MAF: variants seen among roughly 807,000 people sequenced by gnomAD.
MAF encodes the protein MAF bZIP transcription factor.
In MAF, 10 loss-of-function variants were observed where a neutral mutation model predicts 22.0. That is an observed-to-expected ratio of 0.45 (90% CI 0.28 to 0.77). MAF has a LOEUF of 0.77. MAF is among the 30% of genes least tolerant of loss of function. MAF has a pLI of 0.12. For synonymous variants in MAF, 337 were observed against 255.8 expected (o/e 1.32, Z -3.03); for missense variants, 544 against 548.4 (o/e 0.99, Z 0.08).
the MAF span, among the ~76,000 whole-genome samples, chr16:79,390,641 C>G: frequency 2.6e-5 from 4 of 152,166 alleles, no homozygotes; most frequent in Admixed American, 2.6e-4. Context: ...ATTTACCACT[C>G]TGGATTAGAG....
chr16:79,367,127 A>T, the MAF span, among the ~76,000 whole-genome samples: 1 of 152,158 alleles, frequency 6.6e-6, no homozygotes, highest in African/African-American at 2.4e-5. Context: ...AAGATGAGCC[A>T]TATACACACG....
chr16:79,493,048 C>G, the MAF span, among the ~76,000 whole-genome samples: 2,505 of 151,832 alleles, frequency 0.016, 62 homozygotes, highest in African/African-American at 0.057. Context: ...AACCTCATCT[C>G]AAGGGTTCAA....
chr16:79,249,984 C>G, the MAF span, among the ~76,000 whole-genome samples: 1 of 152,202 alleles, frequency 6.6e-6, no homozygotes, highest in Non-Finnish European at 1.5e-5. Flanking sequence ...GTTAATTTTT[C>G]TCCTCAATTC....
At chr16:79,203,711 G>C in the MAF span, 33,787 of 152,082 alleles carry the variant, frequency 0.22, 4,323 homozygotes, top group African/African-American at 0.35. Context: ...CTGTGCAGAA[G>C]AAGGGAAGGG....
At chr16:79,305,282 C>T in the MAF span, among the ~76,000 whole-genome samples, 302 of 152,294 alleles carry the variant, frequency 2.0e-3, 1 homozygote, top group Non-Finnish European at 3.3e-3. Flanking sequence ...TGCAGTTGCT[C>T]GGTTACCGAG....
chr16:79,463,075 A>C, the MAF span, among the ~76,000 whole-genome samples: 1 of 152,230 alleles, frequency 6.6e-6, no homozygotes, highest in African/African-American at 2.4e-5. Context: ...TGGCCCCATA[A>C]AGCTGGGGAA....
chr16:79,535,342 G>C, the MAF span, among the ~76,000 whole-genome samples: 2 of 151,504 alleles, frequency 1.3e-5, no homozygotes, highest in African/African-American at 2.4e-5. Context: ...CAGGGGAAGA[G>C]ACCTTAGGCA....
the MAF span, among the ~76,000 whole-genome samples, chr16:79,474,200 C>G: frequency 1.3e-4 from 20 of 152,276 alleles, no homozygotes; most frequent in African/African-American, 4.3e-4. Context: ...GCTACCCCCT[C>G]CTCCAAATCT....
At chr16:79,489,806 T>A in the MAF span, among the ~76,000 whole-genome samples, 1 of 151,982 alleles carries the variant, frequency 6.6e-6, no homozygotes, top group African/African-American at 2.4e-5. Context: ...GAGGGCCAGG[T>A]GGAATGGGTC....
chr16:79,334,910 G>T, the MAF span, among the ~76,000 whole-genome samples: 6 of 151,608 alleles, frequency 4.0e-5, no homozygotes, highest in African/African-American at 1.5e-4. Flanking sequence ...ATAGAGGCTG[G>T]GTGCAGTGGC....
chr16:79,420,388 G>A, the MAF span, among the ~76,000 whole-genome samples: 1 of 152,226 alleles, frequency 6.6e-6, no homozygotes, highest in African/African-American at 2.4e-5. Context: ...GTGGCCGCAT[G>A]TTGACACGCC....
chr16:79,299,115 C>T, the MAF span, among the ~76,000 whole-genome samples: 1 of 152,172 alleles, frequency 6.6e-6, no homozygotes, highest in South Asian at 2.1e-4. Context: ...TTTTTTTCAC[C>T]CTTTTCTCCC....
At chr16:79,417,802 G>C in the MAF span, among the ~76,000 whole-genome samples, 1 of 152,000 alleles carries the variant, frequency 6.6e-6, no homozygotes, top group Admixed American at 6.5e-5. Context: ...GGAAAGGAGT[G>C]TCCCTCTTGA....
chr16:79,469,633 G>A, the MAF span, among the ~76,000 whole-genome samples: 26 of 152,014 alleles, frequency 1.7e-4, no homozygotes, highest in Non-Finnish European at 2.9e-4. Flanking sequence ...GTCTCACTCT[G>A]TTGCCCAGAC....
chr16:79,431,805 A>G, the MAF span, among the ~76,000 whole-genome samples: 1 of 152,288 alleles, frequency 6.6e-6, no homozygotes, highest in Non-Finnish European at 1.5e-5. Flanking sequence ...GTGGAAAGGG[A>G]TCCTGAGAGG....
chr16:79,346,105 G>T, the MAF span, among the ~76,000 whole-genome samples: 1 of 151,706 alleles, frequency 6.6e-6, no homozygotes, highest in African/African-American at 2.4e-5. Context: ...GTATACATGT[G>T]CCATGTTGGT....
At chr16:79,262,555 C>T in the MAF span, among the ~76,000 whole-genome samples, 1 of 152,260 alleles carries the variant, frequency 6.6e-6, no homozygotes, top group Non-Finnish European at 1.5e-5. Flanking sequence ...GAGGATACAG[C>T]ACACGCAAAG....
chr16:79,578,077 A>T, the MAF span, among the ~76,000 whole-genome samples: 1 of 152,174 alleles, frequency 6.6e-6, no homozygotes, highest in Non-Finnish European at 1.5e-5. Flanking sequence ...AGCAAATAAC[A>T]AGCAGAATAG....
the MAF span, among the ~76,000 whole-genome samples, chr16:79,488,458 A>T: frequency 6.6e-6 from 1 of 152,110 alleles, no homozygotes. Context: ...TGGAGCCCAC[A>T]TAATCACTCT....
Sources: gnomAD v4.1 joint callset for allele counts (sites outside exome capture counted in the v4.1 genomes callset) on GRCh38, gnomAD v4.1.1 for gene constraint, MANE v1.5 for transcripts, NCBI Gene and HGNC (gene_info 2026-07-23, HGNC 2026-07-21) for gene names.